Variants in GBE1 observed in about 807,000 individuals in gnomAD.
GBE1 encodes the protein 1,4-alpha-glucan-branching enzyme.
A neutral mutation model predicts 88.8 loss-of-function variants in GBE1; 70 were observed. That is an observed-to-expected ratio of 0.79 (90% CI 0.65 to 0.96). The LOEUF is 0.96. GBE1 is among the 40% of genes least tolerant of loss of function. The pLI is 0.00. For missense variants in GBE1, 872 were observed against 871.0 expected (o/e 1.00, Z -0.01); for synonymous variants, 284 against 300.1 (o/e 0.95, Z 0.56).
chr3:81,678,891 G>C (rs544680597), intron 2 of GBE1, among the ~76,000 whole-genome samples: 2 of 152,072 alleles, frequency 1.3e-5, no homozygotes, highest in African/African-American at 2.4e-5. Flanking sequence ...TATAAAGAAA[G>C]TATTGATAAT....
chr3:81,661,910 C>T (rs1332638992), intron 3 of GBE1, among the ~76,000 whole-genome samples: 2 of 152,120 alleles, frequency 1.3e-5, no homozygotes, highest in Admixed American at 1.3e-4. Context: ...AGAAATATTT[C>T]ACAATAAAAT....
intron 6 of GBE1, among the ~76,000 whole-genome samples, 175 bp downstream of exon 6, chr3:81,646,217 T>C (rs1407759471): frequency 2.6e-5 from 4 of 152,196 alleles, no homozygotes; most frequent in Non-Finnish European, 5.9e-5. Flanking sequence ...AAGGACAATT[T>C]CTAAGGCTGG....
chr3:81,636,945 C>G (rs1704601032), intron 7 of GBE1, among the ~76,000 whole-genome samples: 1 of 152,048 alleles, frequency 6.6e-6, no homozygotes, highest in African/African-American at 2.4e-5. Context: ...AAATTAAAAA[C>G]AAATACATTA....
chr3:81,622,000 C>G (rs377251982), intron 7 of GBE1, among the ~76,000 whole-genome samples: 6 of 152,112 alleles, frequency 3.9e-5, no homozygotes, highest in Admixed American at 2.6e-4. Context: ...TTCTAAGAAC[C>G]CTATCAGCTA....
At chr3:81,545,791 T>C (rs1453120269) in intron 12 of GBE1, among the ~76,000 whole-genome samples, 1 of 152,172 alleles carries the variant, frequency 6.6e-6, no homozygotes, top group Non-Finnish European at 1.5e-5. Context: ...CCCTTCAGTG[T>C]AGCATGATGA....
intron 13 of GBE1, 82 bp downstream of exon 13, chr3:81,536,829 G>T: frequency 9.5e-7 from 1 of 1,052,496 alleles, no homozygotes; most frequent in Non-Finnish European, 1.4e-6. Flanking sequence ...TAAAAGATCT[G>T]CATAGAGATT....
chr3:81,758,153 C>T (rs1706628975), intron 1 of GBE1, among the ~76,000 whole-genome samples: 1 of 152,180 alleles, frequency 6.6e-6, no homozygotes, highest in Non-Finnish European at 1.5e-5. Context: ...CATATATGCT[C>T]AAGCCCATCA....
chr3:81,657,174 G>C (rs1007868281), intron 3 of GBE1, among the ~76,000 whole-genome samples: 12 of 147,466 alleles, frequency 8.1e-5, no homozygotes, highest in African/African-American at 2.5e-4. Flanking sequence ...CAATAAATTT[G>C]TAATACACAG....
chr3:81,661,953 A>G (rs1397095420), intron 3 of GBE1, among the ~76,000 whole-genome samples: 1 of 152,200 alleles, frequency 6.6e-6, no homozygotes, highest in Non-Finnish European at 1.5e-5. Context: ...TTTTAAATAT[A>G]TTTATGTTTT....
intron 1 of GBE1, among the ~76,000 whole-genome samples, chr3:81,709,113 C>A (rs542276426): frequency 3.9e-5 from 6 of 152,184 alleles, no homozygotes; most frequent in Non-Finnish European, 8.8e-5. Flanking sequence ...CACCTCATTG[C>A]TGCGTAGCAT....
chr3:81,616,724 G>C (rs573817996), intron 7 of GBE1, among the ~76,000 whole-genome samples: 1 of 152,196 alleles, frequency 6.6e-6, no homozygotes, highest in East Asian at 1.9e-4. Flanking sequence ...GTCTACATCT[G>C]TAAAAATGTC....
intron 2 of GBE1, among the ~76,000 whole-genome samples, chr3:81,696,716 C>A (rs928216054): frequency 2.0e-5 from 3 of 151,996 alleles, no homozygotes; most frequent in African/African-American, 7.2e-5. Context: ...ACATTAACTG[C>A]AAGTGGAATA....
At chr3:81,510,197 G>A (rs1702706420) in intron 14 of GBE1, among the ~76,000 whole-genome samples, 1 of 151,966 alleles carries the variant, frequency 6.6e-6, no homozygotes, top group African/African-American at 2.4e-5. Flanking sequence ...TATGCTCTTA[G>A]GTATAACAGT....
intron 7 of GBE1, among the ~76,000 whole-genome samples, chr3:81,626,752 A>AC (rs1159712002): frequency 6.6e-6 from 1 of 151,956 alleles, no homozygotes; most frequent in East Asian, 1.9e-4. Context: ...AAAAAAAAAA[A>AC]AAATCTCTTC....
At chr3:81,661,156 A>C (rs527470168) in intron 3 of GBE1, among the ~76,000 whole-genome samples, 1 of 152,294 alleles carries the variant, frequency 6.6e-6, no homozygotes, top group East Asian at 1.9e-4. Context: ...AAATGTGAGA[A>C]AGTGTTCAAT....
chr3:81,737,647 C>T (rs2107213722), intron 1 of GBE1, among the ~76,000 whole-genome samples: 1 of 150,776 alleles, frequency 6.6e-6, no homozygotes, highest in African/African-American at 2.4e-5. Flanking sequence ...AAAACTGGTA[C>T]TTTTATGTCT....
Position 81,670,646 on chromosome 3 carries a change from A to T in GBE1, c.429+192T>A, listed in dbSNP as rs572227618. On this transcript the variant is annotated intron_variant, in intron 3 of 15. Coordinates refer to ENST00000429644, the MANE Select transcript of GBE1 (RefSeq NM_000158.4). ...ATACAACTAAGTTTGGTTCCTTACC[A>T]GCCAAACAATTCTAATCTAACCCAG... is the stretch of plus-strand genomic sequence containing the variant. Among the ~76,000 whole-genome samples, 18 of 152,292 alleles carry T rather than the reference A, an allele frequency of 1.2e-4. No homozygotes were observed. The East Asian group carries it at 3.3e-3, about 28-fold the overall frequency.
intron 1 of GBE1, among the ~76,000 whole-genome samples, chr3:81,759,548 C>G (rs1017931771): frequency 6.6e-6 from 1 of 152,178 alleles, no homozygotes; most frequent in African/African-American, 2.4e-5. Context: ...TTACCACTAA[C>G]AAATGCCAAA....
intron 2 of GBE1, among the ~76,000 whole-genome samples, chr3:81,691,102 C>T (rs1436255027): frequency 6.6e-6 from 1 of 152,130 alleles, no homozygotes; most frequent in African/African-American, 2.4e-5. Flanking sequence ...AATCCATCTG[C>T]TTGCAACAAG....
Sources: allele counts gnomAD v4.1 joint callset (sites outside exome capture counted in the v4.1 genomes callset), GRCh38; gene constraint gnomAD v4.1.1; transcripts MANE v1.5; gene names NCBI Gene and HGNC (gene_info 2026-07-23, HGNC 2026-07-21).